ATP9B: variants seen among roughly 807,000 people sequenced by gnomAD.
ATP9B encodes ATPase phospholipid transporting 9B, also known as probable phospholipid-transporting ATPase IIB.
ATP9B carries 110 observed loss-of-function variants against 146.1 expected under a neutral mutation model. The observed-to-expected ratio is 0.75, with a 90% CI of 0.65 to 0.88. The LOEUF (loss-of-function observed/expected upper bound fraction) is 0.88, where lower values mean the gene tolerates loss of function less well. ATP9B is among the 40% of genes least tolerant of loss of function. The probability of loss-of-function intolerance (pLI) is 0.00; values close to 1 mark genes in which losing one functional copy is unlikely to be tolerated. For missense variants in ATP9B, 1,499 were observed against 1,496.4 expected, an observed-to-expected ratio of 1.00 and a Z score of -0.03; for synonymous variants, 604 against 569.7, an observed-to-expected ratio of 1.06 and a Z score of -0.86.
chr18:79,113,809 C>G (rs2094015202), intron 4 of ATP9B, among the ~76,000 whole-genome samples: 1 of 152,114 alleles, frequency 6.6e-6, no homozygotes, highest in African/African-American at 2.4e-5. Flanking sequence ...TTTCAAAAGG[C>G]CAGTGATGCA....
intron 7 of ATP9B, among the ~76,000 whole-genome samples, chr18:79,172,944 G>C (rs181984547): frequency 4.8e-4 from 73 of 152,308 alleles, no homozygotes; most frequent in Admixed American, 9.8e-4. Context: ...CTTATTTTAA[G>C]ACTGACAAAC....
At chr18:79,118,134 A>G (rs555037418) in intron 4 of ATP9B, among the ~76,000 whole-genome samples, 2 of 152,232 alleles carry the variant, frequency 1.3e-5, no homozygotes, top group East Asian at 3.9e-4. Context: ...GTCGTTTCTC[A>G]TTTTTTACCA....
rs558448622 is a variant in ATP9B at position 79,104,261 on chromosome 18, T to G, written c.294-6094T>G. ...GATCTGTGTCCAGGCCGTTAGGTGA[T>G]TTTTTGTGTGTGTGGAAAATCACTG... On this transcript the variant is annotated intron_variant, in intron 2 of 29. Coordinates refer to ENST00000426216, the MANE Select transcript of ATP9B (RefSeq NM_198531.5). 4.6e-5 allele frequency among the ~76,000 whole-genome samples: 7 copies of G among 152,228 alleles called. No homozygotes were observed. In the South Asian group the frequency reaches 1.2e-3, roughly 27 times the overall value.
chr18:79,170,736 T>C (rs890725038), intron 7 of ATP9B, among the ~76,000 whole-genome samples: 20 of 152,198 alleles, frequency 1.3e-4, no homozygotes, highest in Admixed American at 3.3e-4. Context: ...GTCAGAGGTC[T>C]CTCTCCTGCA....
chr18:79,186,628 TA>T (rs1283533701), intron 8 of ATP9B, among the ~76,000 whole-genome samples: 1 of 152,254 alleles, frequency 6.6e-6, no homozygotes, highest in Non-Finnish European at 1.5e-5. Flanking sequence ...GACTGCTTAT[TA>T]AACATTCTAG....
chr18:79,306,153 C>CTGT (rs1399105714), intron 14 of ATP9B, among the ~76,000 whole-genome samples: 6 of 152,346 alleles, frequency 3.9e-5, no homozygotes, highest in Non-Finnish European at 8.8e-5. Flanking sequence ...TTCATTGGAT[C>CTGT]TGTTCACCCA....
At chr18:79,110,210 A>G (rs2075913171) in intron 2 of ATP9B, 145 bp from the exon 3 acceptor site, 1 of 735,288 alleles carries the variant, frequency 1.4e-6, no homozygotes, top group South Asian at 4.3e-5. Flanking sequence ...ATTATAAGAA[A>G]AACCCCACAA....
intron 26 of ATP9B, among the ~76,000 whole-genome samples, chr18:79,368,440 T>C (rs1363772840): frequency 1.3e-5 from 2 of 152,126 alleles, no homozygotes; most frequent in African/African-American, 4.8e-5. Flanking sequence ...TCCTTCAAAG[T>C]GTGGAGTTCA....
At chr18:79,268,893 C>G (rs59618247) in intron 12 of ATP9B, among the ~76,000 whole-genome samples, 1 of 152,136 alleles carries the variant, frequency 6.6e-6, no homozygotes, top group African/African-American at 2.4e-5. Context: ...GTATAGAATT[C>G]TAGGCTGTCA....
In ATP9B at chr18:79,232,634, G is replaced by A. The variant is rs542246220; in HGVS notation, c.1107+18596G>A. Among the ~76,000 whole-genome samples the A allele has an allele frequency of 2.6e-5, 4 of 152,308 alleles. No individual in the cohort carries two copies. The East Asian group carries it at 7.7e-4, about 29-fold the overall frequency. ...TAAGCAGTCTGAAGAAACAAAGCAA[G>A]CATCATAGCCAGACTCAGGTATGAC... On this transcript the variant is annotated intron_variant, in intron 11 of 29. Coordinates refer to ENST00000426216, the MANE Select transcript of ATP9B (RefSeq NM_198531.5).
intron 9 of ATP9B, among the ~76,000 whole-genome samples, chr18:79,196,624 TACAC>T (rs1403207348): frequency 2.0e-5 from 3 of 151,948 alleles, no homozygotes; most frequent in Non-Finnish European, 4.4e-5. Context: ...GACCAGAAAA[TACAC>T]ACCTCACCAA....
At chr18:79,244,885 T>C (rs1488896615) in intron 11 of ATP9B, among the ~76,000 whole-genome samples, 1 of 152,248 alleles carries the variant, frequency 6.6e-6, no homozygotes, top group Non-Finnish European at 1.5e-5. Flanking sequence ...CCATGTCTCT[T>C]AAAGTTTTAT....
chr18:79,207,316 T>G (rs990387130), intron 10 of ATP9B, among the ~76,000 whole-genome samples: 1 of 152,186 alleles, frequency 6.6e-6, no homozygotes, highest in African/African-American at 2.4e-5. Flanking sequence ...TTGTCAGTGT[T>G]CCTTAATGAG....
intron 7 of ATP9B, among the ~76,000 whole-genome samples, chr18:79,167,184 C>T (rs4349220): frequency 0.17 from 26,385 of 152,078 alleles, 2,767 homozygotes; most frequent in African/African-American, 0.3. Context: ...TGCAATAAGG[C>T]GAATGGCAGG....
At chr18:79,166,142 CTTTG>C (rs1244372918) in intron 7 of ATP9B, among the ~76,000 whole-genome samples, 2 of 152,242 alleles carry the variant, frequency 1.3e-5, no homozygotes, top group East Asian at 3.9e-4. Flanking sequence ...TCCCTACAGA[CTTTG>C]TTTGAAAAAT....
intron 13 of ATP9B, among the ~76,000 whole-genome samples, chr18:79,295,176 C>T (rs11877261): frequency 0.024 from 3,718 of 152,096 alleles, 155 homozygotes; most frequent in African/African-American, 0.084. Flanking sequence ...GTGTGTATTC[C>T]GCATGTTGAA....
chr18:79,213,819 GCC>G, intron 10 of ATP9B, 141 bp from the exon 11 acceptor site: 1 of 625,726 alleles, frequency 1.6e-6, no homozygotes, highest in Non-Finnish European at 2.6e-6. Context: ...TCTTGAATTA[GCC>G]AAATTAAATA....
intron 9 of ATP9B, among the ~76,000 whole-genome samples, chr18:79,203,057 A>G (rs994301601): frequency 6.6e-6 from 1 of 152,224 alleles, no homozygotes; most frequent in Non-Finnish European, 1.5e-5. Flanking sequence ...AGGGAATACA[A>G]TTGTGTGAAT....
intron 17 of ATP9B, among the ~76,000 whole-genome samples, chr18:79,331,498 A>G (rs565558408): frequency 2.6e-5 from 4 of 152,328 alleles, no homozygotes; most frequent in African/African-American, 7.2e-5. Flanking sequence ...TAAAAATTCT[A>G]TGTACATTTA....
Sources: allele counts gnomAD v4.1 joint callset (sites outside exome capture counted in the v4.1 genomes callset), GRCh38; gene constraint gnomAD v4.1.1; transcripts MANE v1.5; gene names NCBI Gene and HGNC (gene_info 2026-07-23, HGNC 2026-07-21).